Variants in SCN1A observed in about 807,000 individuals in gnomAD.
The protein encoded by SCN1A is sodium channel protein type 1 subunit alpha.
In SCN1A, 13 loss-of-function variants were observed where a neutral mutation model predicts 193.7. The observed-to-expected ratio is 0.07, with a 90% CI of 0.04 to 0.11. SCN1A has a LOEUF of 0.11. Ranked by LOEUF, SCN1A falls within the 10% of genes least tolerant of loss-of-function variation. The pLI is 1.00. For synonymous variants in SCN1A, 781 were observed against 843.6 expected (o/e 0.93, Z 1.29); for missense variants, 1,432 against 2,451.1 (o/e 0.58, Z 8.78).
At position 166,091,734 on chromosome 2, in the gene SCN1A, A is replaced by G. The variant is rs140024709; in HGVS notation, c.-141-13933T>C. On this transcript the variant is annotated intron_variant, in intron 2 of 28. Transcript: ENST00000674923. Reference sequence around the variant, plus strand: ...TTGAAAAAGGCAAATACTTTAGTGCAATAATGAAATCAACTAAACGTCTTG... The same window carrying G: ...TTGAAAAAGGCAAATACTTTAGTGCGATAATGAAATCAACTAAACGTCTTG... Among the ~76,000 whole-genome samples, 37 of 152,360 alleles carry G rather than the reference A, an allele frequency of 2.4e-4. 2 individuals carry two copies. In the East Asian group the frequency reaches 7.1e-3, roughly 29 times the overall value.
chr2:166,018,222 A>G (rs1406762288), intron 19 of SCN1A, among the ~76,000 whole-genome samples: 1 of 152,046 alleles, frequency 6.6e-6, no homozygotes, highest in Admixed American at 6.5e-5. Flanking sequence ...TATGAGGAAT[A>G]CTACTTTTAA....
intron 21 of SCN1A, among the ~76,000 whole-genome samples, chr2:166,013,173 G>A (rs1692768919): frequency 6.6e-6 from 1 of 151,394 alleles, no homozygotes; most frequent in South Asian, 2.1e-4. Context: ...TGATTCTGAT[G>A]AAGTGAACAC....
At chr2:166,112,227 TCA>T (rs1298863629) in intron 2 of SCN1A, among the ~76,000 whole-genome samples, 2 of 152,160 alleles carry the variant, frequency 1.3e-5, no homozygotes, top group African/African-American at 4.8e-5. Context: ...TAAGAAATTG[TCA>T]CAGTCATCTC....
intron 2 of SCN1A, among the ~76,000 whole-genome samples, chr2:166,103,232 C>T (rs1330363362): frequency 6.6e-6 from 1 of 152,098 alleles, no homozygotes; most frequent in Non-Finnish European, 1.5e-5. Flanking sequence ...GGGCGGATCA[C>T]CTGAGGCCAG....
intron 4 of SCN1A, among the ~76,000 whole-genome samples, chr2:166,073,021 G>A (rs535968128): frequency 6.0e-4 from 91 of 151,910 alleles, no homozygotes; most frequent in African/African-American, 2.1e-3. Flanking sequence ...TTGTATTTTA[G>A]CAGAGAAGGG....
Position 165,995,993 on chromosome 2 carries a change from T to C in SCN1A, c.4581+20A>G, listed in dbSNP as rs1322947660. 1 of 1,481,718 alleles carries C rather than the reference T, an allele frequency of 6.7e-7. No homozygotes were observed. Among genetic ancestry groups the C allele is most frequent in the Non-Finnish European group, 9.4e-7 (1 of 1,061,162 alleles). The allele number at this position is 1,481,718 out of a possible 1,614,324, so 91.8% of individuals were successfully genotyped here. On this transcript the variant is annotated intron_variant, in intron 27 of 28. Coordinates refer to ENST00000674923, the MANE Select transcript of SCN1A (RefSeq NM_001165963.4). ...TTTTTGTTTTTGTATTTTTCCCCCA[T>C]ATCATTTGATACTTCTTACTCCTGG...
chr2:165,994,398 C>A lies in SCN1A; in HGVS notation c.4600G>T (p.Val1534Phe). 6.2e-7 allele frequency: 1 copy of A among 1,612,724 alleles called. No individual in the cohort carries two copies. The highest frequency in any genetic ancestry group is 8.5e-7 in the Non-Finnish European group (1 of 1,179,222). ...ACTTGTCTGGTTACGAAGTCAAAGA[C>A]CATTCCTTGAAATTTGTTCTGTAGA... is the stretch of plus-strand genomic sequence containing the variant. ...PRPGNKFQGM[V>F]FDFVTRQVFD... The change falls in exon 28 of 29, where the codon GTC becomes TTC. Residue 1534 changes from valine (V) to phenylalanine (F), a missense_variant. This residue lies in a region of SCN1A where 85 missense variants were observed against 119.1 expected (regional missense o/e 0.71). Transcript: ENST00000674923.
chr2:166,060,682 A>G (rs1683209677), intron 4 of SCN1A: 1 of 152,096 alleles, frequency 6.6e-6, no homozygotes, highest in African/African-American at 2.4e-5. Context: ...ACATGGTGAA[A>G]CCCCATCTCT....
intron 19 of SCN1A, among the ~76,000 whole-genome samples, chr2:166,024,236 C>G (rs985294866): frequency 2.0e-5 from 3 of 152,008 alleles, no homozygotes; most frequent in African/African-American, 7.2e-5. Context: ...AAAAAACAAA[C>G]AAACAAACAA....
intron 1 of SCN1A, among the ~76,000 whole-genome samples, chr2:166,141,232 A>C (rs1470225251): frequency 1.3e-5 from 2 of 152,172 alleles, no homozygotes; most frequent in African/African-American, 4.8e-5. Context: ...AATTGACTTG[A>C]GTGGCTCTTG....
intron 3 of SCN1A, among the ~76,000 whole-genome samples, chr2:166,076,612 G>T (rs1010108974): frequency 2.6e-5 from 4 of 151,910 alleles, no homozygotes; most frequent in African/African-American, 4.8e-5. Flanking sequence ...AAAGTTGGAG[G>T]ACTGACACTA....
intron 7 of SCN1A, among the ~76,000 whole-genome samples, chr2:166,053,573 C>T (rs906980616): frequency 1.3e-5 from 2 of 151,920 alleles, no homozygotes; most frequent in African/African-American, 2.4e-5. Flanking sequence ...AATGCTGCGC[C>T]TATTGTTACT....
intron 23 of SCN1A, among the ~76,000 whole-genome samples, chr2:166,008,943 G>C (rs1286989468): frequency 6.6e-6 from 1 of 150,694 alleles, no homozygotes; most frequent in East Asian, 1.9e-4. Flanking sequence ...GTCAATAATG[G>C]CAAAATTTCT....
At chr2:166,040,796 C>A (rs1697071401) in intron 16 of SCN1A, among the ~76,000 whole-genome samples, 1 of 152,148 alleles carries the variant, frequency 6.6e-6, no homozygotes, top group African/African-American at 2.4e-5. Context: ...ACATGTACTA[C>A]TTAGATCCTG....
At chr2:166,099,383 T>G (rs1457942293) in intron 2 of SCN1A, among the ~76,000 whole-genome samples, 3 of 151,020 alleles carry the variant, frequency 2.0e-5, no homozygotes, top group African/African-American at 7.3e-5. Context: ...GAGCTATCTA[T>G]GACAAACCCA....
intron 2 of SCN1A, among the ~76,000 whole-genome samples, chr2:166,093,777 C>T (rs1481738162): frequency 6.6e-6 from 1 of 151,682 alleles, no homozygotes; most frequent in East Asian, 1.9e-4. Context: ...TGTTTTAAAA[C>T]AAAAGAAAAA....
At chr2:166,040,117 A>C (rs1696974862) in intron 16 of SCN1A, among the ~76,000 whole-genome samples, 1 of 151,820 alleles carries the variant, frequency 6.6e-6, no homozygotes. Flanking sequence ...ACGGGGTTTC[A>C]CCATGTTAGG....
intron 1 of SCN1A, among the ~76,000 whole-genome samples, chr2:166,141,327 T>G (rs1326602345): frequency 6.6e-6 from 1 of 152,098 alleles, no homozygotes; most frequent in South Asian, 2.1e-4. Flanking sequence ...TTTTATCTTC[T>G]TTAGAATTCT....
At chr2:166,126,870 CAA>C (rs1691306093) in intron 2 of SCN1A, 52 bp downstream of exon 2, 1 of 152,108 alleles carries the variant, frequency 6.6e-6, no homozygotes, top group African/African-American at 2.4e-5. Context: ...TCAAAGAGAA[CAA>C]AAAGAAATGA....
Sources: gnomAD v4.1 joint callset for allele counts (sites outside exome capture counted in the v4.1 genomes callset) on GRCh38, gnomAD v4.1.1 for gene constraint, gnomAD v4.1.1 regional missense constraint, MANE v1.5 for transcripts, NCBI Gene and HGNC (gene_info 2026-07-23, HGNC 2026-07-21) for gene names.